The following LRRTM4 variants were observed in gnomAD, a reference collection of about 807,000 sequenced individuals.
LRRTM4 encodes the protein leucine-rich repeat transmembrane neuronal protein 4.
A neutral mutation model predicts 47.6 loss-of-function variants in LRRTM4; 25 were observed. The observed-to-expected ratio is 0.53, with a 90% CI of 0.38 to 0.73. The LOEUF is 0.73. Ranked by LOEUF, LRRTM4 falls within the 30% of genes least tolerant of loss-of-function variation. The probability of loss-of-function intolerance (pLI) is 0.00; values close to 1 mark genes in which losing one functional copy is unlikely to be tolerated. For synonymous variants in LRRTM4, 311 were observed against 269.5 expected (o/e 1.15, Z -1.51); for missense variants, 638 against 713.4 (o/e 0.89, Z 1.20).
At chr2:76,962,860 A>T (rs1211507344) in intron 3 of LRRTM4, among the ~76,000 whole-genome samples, 1 of 150,882 alleles carries the variant, frequency 6.6e-6, no homozygotes, top group Non-Finnish European at 1.5e-5. Flanking sequence ...AAAAGATGCT[A>T]AACTTTACAT....
intron 3 of LRRTM4, among the ~76,000 whole-genome samples, chr2:76,903,776 T>A (rs1308911887): frequency 3.9e-5 from 6 of 152,126 alleles, no homozygotes. Context: ...GGGTTACAAA[T>A]AATATTTATA....
At chr2:77,380,194 G>T (rs1422256317) in intron 3 of LRRTM4, among the ~76,000 whole-genome samples, 1 of 152,018 alleles carries the variant, frequency 6.6e-6, no homozygotes, top group Non-Finnish European at 1.5e-5. Flanking sequence ...TATACTATTT[G>T]CATATTAAAT....
At chr2:77,178,979 C>T (rs141835324) in intron 3 of LRRTM4, among the ~76,000 whole-genome samples, 1 of 152,282 alleles carries the variant, frequency 6.6e-6, no homozygotes, top group African/African-American at 2.4e-5. Flanking sequence ...TATACATACA[C>T]ATATGTAGAT....
chr2:77,417,838 C>T (rs1298594683), intron 3 of LRRTM4, among the ~76,000 whole-genome samples: 1 of 152,006 alleles, frequency 6.6e-6, no homozygotes, highest in African/African-American at 2.4e-5. Context: ...GTGCGGCACA[C>T]CAACATGGCA....
chr2:77,074,161 A>G (rs1680256943), intron 3 of LRRTM4, among the ~76,000 whole-genome samples: 1 of 152,140 alleles, frequency 6.6e-6, no homozygotes. Context: ...CTTCATCTGC[A>G]TCTATTTCTC....
chr2:76,854,740 C>T (rs559265282), intron 3 of LRRTM4, among the ~76,000 whole-genome samples: 1 of 151,856 alleles, frequency 6.6e-6, no homozygotes, highest in Non-Finnish European at 1.5e-5. Flanking sequence ...CTTAACTAAA[C>T]ATCTACTATA....
chr2:76,902,164 G>T (rs1453660134), intron 3 of LRRTM4, among the ~76,000 whole-genome samples: 1 of 152,082 alleles, frequency 6.6e-6, no homozygotes, highest in African/African-American at 2.4e-5. Context: ...CTATTTAAGT[G>T]ACAAAATTAA....
intron 3 of LRRTM4, among the ~76,000 whole-genome samples, chr2:77,341,742 G>C (rs1671380067): frequency 6.6e-6 from 1 of 152,018 alleles, no homozygotes; most frequent in Non-Finnish European, 1.5e-5. Flanking sequence ...TTTATATTGA[G>C]TAGTGACCTT....
chr2:76,895,758 G>A (rs1005896336), intron 3 of LRRTM4, among the ~76,000 whole-genome samples: 3 of 150,418 alleles, frequency 2.0e-5, no homozygotes, highest in African/African-American at 5.0e-5. Context: ...GTGGTGATGA[G>A]CCCAATTCTG....
chr2:77,358,358 G>A (rs950120608), intron 3 of LRRTM4, among the ~76,000 whole-genome samples: 5 of 152,014 alleles, frequency 3.3e-5, no homozygotes, highest in African/African-American at 1.2e-4. Context: ...CCACTCTTGC[G>A]GGAACTAGTC....
intron 3 of LRRTM4, among the ~76,000 whole-genome samples, chr2:76,976,467 A>G (rs1676421680): frequency 6.6e-6 from 1 of 151,700 alleles, no homozygotes. Context: ...ATTAATTATG[A>G]GACAAAATGT....
chr2:76,913,071 TC>T (rs1674126276), intron 3 of LRRTM4, among the ~76,000 whole-genome samples: 1 of 152,240 alleles, frequency 6.6e-6, no homozygotes, highest in Admixed American at 6.5e-5. Flanking sequence ...TATGATTTAA[TC>T]TTTGCAAATG....
At chr2:76,957,638 G>A (rs560295096) in intron 3 of LRRTM4, among the ~76,000 whole-genome samples, 5 of 151,566 alleles carry the variant, frequency 3.3e-5, no homozygotes, top group Admixed American at 1.3e-4. Context: ...ATATTTGACT[G>A]TCCTCTTATG....
At chr2:77,512,998 C>T (rs765556827) in intron 3 of LRRTM4, among the ~76,000 whole-genome samples, 7 of 152,152 alleles carry the variant, frequency 4.6e-5, no homozygotes, top group Non-Finnish European at 8.8e-5. Flanking sequence ...TTTGTGAATT[C>T]TAATGAAAAC....
At chr2:77,364,064 T>C (rs532376904) in intron 3 of LRRTM4, among the ~76,000 whole-genome samples, 1 of 151,826 alleles carries the variant, frequency 6.6e-6, no homozygotes, top group African/African-American at 2.4e-5. Context: ...AAAAGGGAAA[T>C]TTTCATTGAA....
chr2:77,043,871 G>C (rs73940247), intron 3 of LRRTM4, among the ~76,000 whole-genome samples: 8,716 of 151,380 alleles, frequency 0.058, 547 homozygotes, highest in East Asian at 0.14. Flanking sequence ...AATTAAAATA[G>C]CAAAATGGTC....
intron 3 of LRRTM4, among the ~76,000 whole-genome samples, chr2:76,808,445 G>GAAAA (rs369001552): frequency 1.4e-5 from 2 of 147,204 alleles, no homozygotes; most frequent in East Asian, 3.9e-4. Context: ...TTGATTTTGG[G>GAAAA]AAAAAAAAAA....
At chr2:77,429,527 GA>G (rs964810597) in intron 3 of LRRTM4, among the ~76,000 whole-genome samples, 21 of 151,660 alleles carry the variant, frequency 1.4e-4, no homozygotes, top group Middle Eastern at 3.4e-3. Flanking sequence ...CTTAAAAAAA[GA>G]AAAAAAATCC....
At chr2:77,447,562 A>G (rs1676102663) in intron 3 of LRRTM4, among the ~76,000 whole-genome samples, 1 of 152,132 alleles carries the variant, frequency 6.6e-6, no homozygotes, top group Non-Finnish European at 1.5e-5. Context: ...ATAACTCACA[A>G]GCTTCAACCA....
Sources: gnomAD v4.1 joint callset for allele counts (sites outside exome capture counted in the v4.1 genomes callset) on GRCh38, gnomAD v4.1.1 for gene constraint, MANE v1.5 for transcripts, NCBI Gene and HGNC (gene_info 2026-07-23, HGNC 2026-07-21) for gene names.